PREP: variants seen among roughly 807,000 people sequenced by gnomAD.
The protein encoded by PREP is dJ355L5.1 (prolyl endopeptidase).
PREP carries 29 observed loss-of-function variants against 87.6 expected under a neutral mutation model. That is an observed-to-expected ratio of 0.33 (90% CI 0.25 to 0.45). PREP has a LOEUF of 0.45. Ranked by LOEUF, PREP falls within the 20% of genes least tolerant of loss-of-function variation. The pLI, the probability that PREP is intolerant of heterozygous loss-of-function variation, is 1.00. For synonymous variants in PREP, 337 were observed against 328.6 expected, an observed-to-expected ratio of 1.03 and a Z score of -0.28; for missense variants, 695 against 886.5, an observed-to-expected ratio of 0.78 and a Z score of 2.74.
chr6:105,323,849 ATGCCAG>A (rs1771081509), intron 9 of PREP, 81 bp from the exon 10 acceptor site: 2 of 1,140,380 alleles, frequency 1.8e-6, no homozygotes, highest in African/African-American at 3.1e-5. Flanking sequence ...CCACAACCAA[ATGCCAG>A]CAATGGCAAG....
intron 10 of PREP, among the ~76,000 whole-genome samples, chr6:105,317,120 A>AT (rs1238701837): frequency 2.0e-5 from 3 of 151,828 alleles, no homozygotes; most frequent in African/African-American, 7.3e-5. Flanking sequence ...TAATTAAAAA[A>AT]AAATATATAT....
At chr6:105,279,185 G>A (rs1770016747) in intron 14 of PREP, 1 of 151,998 alleles carries the variant, frequency 6.6e-6, no homozygotes, top group Admixed American at 6.6e-5. Context: ...TCCTAATAGG[G>A]GTGTCATGTT....
chr6:105,402,844 T>TAA lies in PREP; in HGVS notation c.45+2_45+3insTT. 6.5e-7 allele frequency: 1 copy of TAA among 1,542,864 alleles called. No homozygotes were observed. Among genetic ancestry groups the TAA allele is most frequent in the Non-Finnish European group, 8.8e-7 (1 of 1,142,486 alleles). ...CCCTCTGGGCGGAGGCAGAGATACT[T>TAA]ACGGCGGTCTCGTCGCGGTACACGT... On this transcript the variant is annotated splice_region_variant and intron_variant, in intron 1 of 14. Coordinates refer to ENST00000652536, the MANE Select transcript of PREP (RefSeq NM_002726.5).
chr6:105,298,307 C>T (rs899653201), intron 10 of PREP: 1 of 152,328 alleles, frequency 6.6e-6, no homozygotes, highest in African/African-American at 2.4e-5. Context: ...AAGGGCTGTC[C>T]TCTAAACATG....
rs190302824 is a variant in PREP, at chr6:105,387,839, G to C, written c.120+10014C>G. Reference sequence around the variant, plus strand: ...TCTCTAGCAGCTCAGAGATCAAGTGGCATGCCCATCTTCAATCTCTGGTCC... The same window carrying C: ...TCTCTAGCAGCTCAGAGATCAAGTGCCATGCCCATCTTCAATCTCTGGTCC... On this transcript the variant is annotated intron_variant, in intron 2 of 14. Transcript: ENST00000652536. Among the ~76,000 whole-genome samples, 38 of 152,244 alleles carry C rather than the reference G, an allele frequency of 2.5e-4. 1 individual carries two copies. The highest frequency in any genetic ancestry group is 1.9e-3 in the East Asian group (10 of 5,178).
intron 5 of PREP, among the ~76,000 whole-genome samples, chr6:105,371,306 CA>C (rs1395744528): frequency 6.6e-6 from 1 of 151,992 alleles, no homozygotes; most frequent in Non-Finnish European, 1.5e-5. Flanking sequence ...AGTTCAAGAC[CA>C]GCATGGCCAA....
chr6:105,356,409 T>C (rs1772101414), intron 6 of PREP, among the ~76,000 whole-genome samples: 1 of 152,224 alleles, frequency 6.6e-6, no homozygotes, highest in Non-Finnish European at 1.5e-5. Flanking sequence ...AGCCCCCTAG[T>C]AGTTCTTAGC....
At chr6:105,374,554 GAA>G (rs1404997219) in intron 4 of PREP, among the ~76,000 whole-genome samples, 2 of 149,460 alleles carry the variant, frequency 1.3e-5, no homozygotes, top group Non-Finnish European at 1.5e-5. Flanking sequence ...TGTAAATGCA[GAA>G]AAGAGTCTAG....
intron 6 of PREP, among the ~76,000 whole-genome samples, chr6:105,366,881 A>G (rs1429121656): frequency 1.3e-5 from 2 of 152,238 alleles, no homozygotes; most frequent in Non-Finnish European, 2.9e-5. Flanking sequence ...AGAGCAGTCA[A>G]ATACAAAGGG....
At chr6:105,358,695 A>C (rs535055965) in intron 6 of PREP, among the ~76,000 whole-genome samples, 1 of 152,094 alleles carries the variant, frequency 6.6e-6, no homozygotes. Flanking sequence ...TCAGGGAGTA[A>C]TTCACTCTTC....
intron 6 of PREP, among the ~76,000 whole-genome samples, chr6:105,366,511 T>G (rs1772387967): frequency 6.6e-6 from 1 of 152,224 alleles, no homozygotes; most frequent in Admixed American, 6.5e-5. Flanking sequence ...TGTACATCTA[T>G]TGAAAGAATG....
At position 105,278,538 on chromosome 6, in the gene PREP, T is replaced by A; in HGVS notation, c.1839-100A>T. Reference sequence around the variant, plus strand: ...ATTAGCAGTGAGGACTGCAGTTAACTAGTACGTGAGTGACCACCATGGACT... The same window carrying A: ...ATTAGCAGTGAGGACTGCAGTTAACAAGTACGTGAGTGACCACCATGGACT... On this transcript the variant is annotated intron_variant, in intron 14 of 14. Transcript: ENST00000652536. The surrounding 1 kb of genome is among the most constrained non-coding windows in gnomAD (Gnocchi z 4.2). 1 of 1,250,764 alleles carries A rather than the reference T, an allele frequency of 8.0e-7. No homozygotes were observed. 77.5% of individuals were successfully genotyped at this position (1,250,764 alleles called of 1,614,324 possible). A position where few individuals can be genotyped will look rare whatever the true frequency, so the allele number is the denominator to read the frequency against.
chr6:105,288,868 C>T lies in PREP; in HGVS notation c.1344G>A (p.Thr448=), dbSNP rs200939885. Residue 448 remains threonine (T), a synonymous_variant, in exon 11 of 15, where the codon ACG becomes ACA. Transcript: ENST00000652536. ...TATGCACAATGAACATTGGAATCTT[C>T]GTACCATCCTTGCTAGGGTAGAAAA... The part of the protein sequence containing the change: ...VQIFYPSKDG[T]KIPMFIVHKK... 2.2e-5 allele frequency: 36 copies of T among 1,613,036 alleles called. No individual in the cohort carries two copies. Among genetic ancestry groups the T allele is most frequent in the African/African-American group, 2.0e-4 (15 of 74,880 alleles).
rs1341451017 is a variant in PREP, at chr6:105,374,636, A to T, written c.386-1058T>A. Among the ~76,000 whole-genome samples the T allele has an allele frequency of 0.023, 3 of 132 alleles. No individual in the cohort carries two copies. The Admixed American group carries it at 0.3, about 13-fold the overall frequency. 0.1% of individuals were successfully genotyped at this position (132 alleles called of 152,430 possible). On this transcript the variant is annotated intron_variant, in intron 4 of 14. Coordinates refer to ENST00000652536, the MANE Select transcript of PREP (RefSeq NM_002726.5). ...GCACTGGAGTGTTTGAATTGTTTAT[A>T]TATATATATATATATATATATATAT...
intron 2 of PREP, among the ~76,000 whole-genome samples, chr6:105,388,153 G>A (rs1269607371): frequency 6.7e-6 from 1 of 150,128 alleles, no homozygotes; most frequent in African/African-American, 2.5e-5. Flanking sequence ...GCCAAAGAGG[G>A]TCCCTGGGGC....
At chr6:105,300,784 T>C (rs1378323259) in intron 10 of PREP, among the ~76,000 whole-genome samples, 2 of 152,046 alleles carry the variant, frequency 1.3e-5, no homozygotes, top group Non-Finnish European at 2.9e-5. Context: ...AAGAGGGCAA[T>C]CACTAAACAC....
Position 105,288,742 on chromosome 6 carries a change from T to C in PREP, c.1454+16A>G. 5 of 1,613,012 alleles carry C rather than the reference T, an allele frequency of 3.1e-6. No individual in the cohort carries two copies. Among genetic ancestry groups the C allele is most frequent in the Non-Finnish European group, 4.2e-6 (5 of 1,179,534 alleles). On this transcript the variant is annotated intron_variant, in intron 11 of 14. Transcript: ENST00000652536. ...AAAGATAAAATACTGGCACTCTGAG[T>C]GCGTTCCGAGCTCACCTGTAGTTGG...
At chr6:105,316,414 T>G (rs973052365) in intron 10 of PREP, among the ~76,000 whole-genome samples, 5 of 152,194 alleles carry the variant, frequency 3.3e-5, no homozygotes, top group African/African-American at 1.2e-4. Flanking sequence ...CCCAGAACAA[T>G]GACGATCGTC....
intron 7 of PREP, among the ~76,000 whole-genome samples, chr6:105,338,747 C>T (rs1055703853): frequency 1.3e-5 from 2 of 152,240 alleles, no homozygotes; most frequent in African/African-American, 4.8e-5. Context: ...TATATCCCGC[C>T]CCTGGCTCGG....
Sources: allele counts gnomAD v4.1 joint callset (sites outside exome capture counted in the v4.1 genomes callset), GRCh38; gene constraint gnomAD v4.1.1; non-coding constraint Gnocchi (gnomAD v3.1); transcripts MANE v1.5; gene names NCBI Gene and HGNC (gene_info 2026-07-23, HGNC 2026-07-21).